The following KIF26A variants were observed in gnomAD, a reference collection of about 807,000 sequenced individuals.
KIF26A encodes kinesin-like protein KIF26A.
A neutral mutation model predicts 126.0 loss-of-function variants in KIF26A; 74 were observed. The observed-to-expected ratio is 0.59, with a 90% CI of 0.49 to 0.71. The LOEUF is 0.71. Among genes scored for constraint, KIF26A ranks in the 30% least tolerant of loss-of-function variants. The pLI, the probability that KIF26A is intolerant of heterozygous loss-of-function variation, is 0.00. For missense variants in KIF26A, 2,984 were observed against 2,763.3 expected, an observed-to-expected ratio of 1.08 and a Z score of -1.79; for synonymous variants, 1,445 against 1,232.7, an observed-to-expected ratio of 1.17 and a Z score of -3.61.
rs2141118087 is a variant in KIF26A at position 104,175,669 on chromosome 14, G to A, written c.2881G>A (p.Ala961Thr). ...PAPPPPQLLE[A>T]CRAPEEPGGG... ...TCCCCCACCTCCTCAGTTGCTGGAA[G>A]CCTGCAGAGCCCCAGAAGAGCCTGG... Residue 961 changes from alanine (A) to threonine (T), a missense_variant, in exon 12 of 15, where the codon GCC becomes ACC. Coordinates refer to ENST00000423312, the MANE Select transcript of KIF26A (RefSeq NM_015656.2). 6.2e-7 allele frequency: 1 copy of A among 1,607,478 alleles called. No individual in the cohort carries two copies. The highest frequency in any genetic ancestry group is 1.8e-4 in the Middle Eastern group (1 of 5,686).
intron 4 of KIF26A, among the ~76,000 whole-genome samples, chr14:104,160,335 T>C (rs985631768): frequency 2.0e-5 from 3 of 152,032 alleles, no homozygotes; most frequent in African/African-American, 4.8e-5. Context: ...CCCAGCCGGA[T>C]TAGGGCACCA....
At chr14:104,163,636 C>G (rs1027609606) in intron 4 of KIF26A, among the ~76,000 whole-genome samples, 3 of 151,828 alleles carry the variant, frequency 2.0e-5, no homozygotes, top group African/African-American at 7.3e-5. Flanking sequence ...GGGCCCCACC[C>G]TGTGTGGCTC....
chr14:104,166,109 G>C (rs915904612), intron 4 of KIF26A, among the ~76,000 whole-genome samples: 1 of 152,094 alleles, frequency 6.6e-6, no homozygotes, highest in African/African-American at 2.4e-5. Flanking sequence ...GGGTGGGGAG[G>C]CGCTCGCCCT....
chr14:104,172,298 G>A (rs76824091), intron 6 of KIF26A, among the ~76,000 whole-genome samples: 6,640 of 152,364 alleles, frequency 0.044, 189 homozygotes, highest in Non-Finnish European at 0.063. Context: ...CTCTCTGCGC[G>A]TGGTGGTCTG....
At chr14:104,149,275 G>C (rs951562634) in intron 2 of KIF26A, among the ~76,000 whole-genome samples, 1 of 152,182 alleles carries the variant, frequency 6.6e-6, no homozygotes, top group East Asian at 1.9e-4. Flanking sequence ...GTTGGGTGGT[G>C]AGAGTCCCTG....
Position 104,176,265 on chromosome 14 carries a change from G to T in KIF26A, c.3477G>T (p.Gly1159=). 6.3e-7 allele frequency: 1 copy of T among 1,596,162 alleles called. No homozygotes were observed. Among genetic ancestry groups the T allele is most frequent in the Non-Finnish European group, 8.5e-7 (1 of 1,171,304 alleles). Reference sequence around the variant, plus strand: ...GTTCCCTGGGGGATGGAAGCTCTGGGTTCCTGGGGCCAGACAGACCTGACA... The same window carrying T: ...GTTCCCTGGGGGATGGAAGCTCTGGTTTCCTGGGGCCAGACAGACCTGACA... ...LDGSLGDGSS[G]FLGPDRPDSP... The change falls in exon 12 of 15, where the codon GGG becomes GGT. Residue 1159 remains glycine (G), a synonymous_variant. Coordinates refer to ENST00000423312, the MANE Select transcript of KIF26A (RefSeq NM_015656.2).
At chr14:104,158,943 C>G (rs989446535) in intron 4 of KIF26A, among the ~76,000 whole-genome samples, 1 of 152,228 alleles carries the variant, frequency 6.6e-6, no homozygotes, top group Non-Finnish European at 1.5e-5. Context: ...CAGCCCCACG[C>G]GGGTGCTGAT....
rs372919552 is a variant in KIF26A, at chr14:104,179,288, G to A, written c.5369G>A (p.Arg1790Gln). The A allele has an allele frequency of 1.0e-4, 157 of 1,533,686 alleles. No homozygotes were observed. Among genetic ancestry groups the A allele is most frequent in the Middle Eastern group, 8.2e-4 (4 of 4,876 alleles). The change falls in exon 14 of 15, where the codon CGG becomes CAG. Residue 1790 changes from arginine to glutamine, a missense_variant. By Grantham distance (43) the Arg-to-Gln change is conservative (BLOSUM62 1). Coordinates refer to ENST00000423312, the MANE Select transcript of KIF26A (RefSeq NM_015656.2). ...RLRLAERRQQ[R>Q]LREVQAKHKH... Reference sequence around the variant, plus strand: ...CGGCTGGCGGAGCGCAGGCAGCAGCGGCTGCGGGAGGTGCAGGCCAAGCAC... The same window carrying A: ...CGGCTGGCGGAGCGCAGGCAGCAGCAGCTGCGGGAGGTGCAGGCCAAGCAC...
rs1671466504 is a variant in KIF26A, at chr14:104,176,142, C to CT, written c.3354_3355insT (p.Val1119CysfsTer8). 1 of 1,583,608 alleles carries CT rather than the reference C, an allele frequency of 6.3e-7. No homozygotes were observed. The highest frequency in any genetic ancestry group is 8.6e-7 in the Non-Finnish European group (1 of 1,166,106). On this transcript the variant is annotated frameshift_variant, in exon 12 of 15. Coordinates refer to ENST00000423312, the MANE Select transcript of KIF26A (RefSeq NM_015656.2). LOFTEE classifies it high-confidence loss of function. ...TCAGCTCCTGGCTCAGCGAGGTCAG[C>CT]GTCTGCACTGCCGACAGCCGTGACC...
At chr14:104,144,359 T>G (rs983013626) in intron 2 of KIF26A, among the ~76,000 whole-genome samples, 25 of 151,568 alleles carry the variant, frequency 1.6e-4, no homozygotes, top group Non-Finnish European at 1.6e-4. Context: ...ACATGTGGGC[T>G]GGGTGGGGAT....
intron 2 of KIF26A, among the ~76,000 whole-genome samples, chr14:104,142,105 C>T (rs2037642934): frequency 6.6e-6 from 1 of 152,138 alleles, no homozygotes; most frequent in Admixed American, 6.5e-5. Flanking sequence ...TGAGGGTGAC[C>T]ATGGTCCCCT....
intron 2 of KIF26A, among the ~76,000 whole-genome samples, chr14:104,145,316 G>A (rs1012218862): frequency 5.3e-5 from 8 of 152,184 alleles, no homozygotes; most frequent in Non-Finnish European, 8.8e-5. Flanking sequence ...GGCAGGACCC[G>A]TGGGCTGGGG....
At chr14:104,156,290 A>AAT (rs2037776710) in intron 3 of KIF26A, among the ~76,000 whole-genome samples, 1 of 152,160 alleles carries the variant, frequency 6.6e-6, no homozygotes, top group African/African-American at 2.4e-5. Context: ...GAGGTGAGGG[A>AAT]GTGGCTGGGA....
chr14:104,172,700 C>T lies in KIF26A; in HGVS notation c.1420+32C>T, dbSNP rs749458392. Reference sequence around the variant, plus strand: ...ACCCTTGCCCCACCCTAGATGGGTCCTGCTGGCCACCCCCTCCCATCCTCA... The same window carrying T: ...ACCCTTGCCCCACCCTAGATGGGTCTTGCTGGCCACCCCCTCCCATCCTCA... On this transcript the variant is annotated intron_variant, in intron 7 of 14. Coordinates refer to ENST00000423312, the MANE Select transcript of KIF26A (RefSeq NM_015656.2). 4 of 1,499,886 alleles carry T rather than the reference C, an allele frequency of 2.7e-6. No individual in the cohort carries two copies. The South Asian group carries it at 3.5e-5, about 13-fold the overall frequency. The allele number at this position is 1,499,886 out of a possible 1,614,324, so 92.9% of individuals were successfully genotyped here. A position where few individuals can be genotyped will look rare whatever the true frequency, so the allele number is the denominator to read the frequency against.
rs549442781 is a variant in KIF26A, at chr14:104,171,684, C to T, written c.1114-39C>T. ...GCCCTGTAATTAGTGGCCGGCTGGG[C>T]GGAGGCAGCTTCTCAGGTGCCGCCC... On this transcript the variant is annotated intron_variant, in intron 5 of 14. Coordinates refer to ENST00000423312, the MANE Select transcript of KIF26A (RefSeq NM_015656.2). 4.6e-6 allele frequency: 7 copies of T among 1,508,982 alleles called. No individual in the cohort carries two copies. In the East Asian group the frequency reaches 1.2e-4, roughly 27 times the overall value. 93.5% of individuals were successfully genotyped at this position (1,508,982 alleles called of 1,614,324 possible).
intron 4 of KIF26A, among the ~76,000 whole-genome samples, chr14:104,163,525 T>A (rs912586815): frequency 4.6e-5 from 7 of 151,752 alleles, no homozygotes; most frequent in Admixed American, 1.3e-4. Context: ...ATTGGGTAAA[T>A]GCTGGCGATG....
At position 104,173,865 on chromosome 14, in the gene KIF26A, A is replaced by G. The variant is rs372404840; in HGVS notation, c.2027A>G (p.Tyr676Cys). The G allele has an allele frequency of 1.3e-6, 2 of 1,590,468 alleles. No homozygotes were observed. Among genetic ancestry groups the G allele is most frequent in the South Asian group, 2.2e-5 (2 of 90,072 alleles). The stretch of plus-strand genomic sequence containing the variant: ...GTCAACGGAGCCAAGCATGTGCCGT[A>G]TCGGTGAGTGTAGGGCCTGGGCAGG... ...ALVNGAKHVP[Y>C]RDHRLTMLLR... The change falls in exon 10 of 15, where the codon TAT becomes TGT. Residue 676 changes from tyrosine to cysteine, a missense_variant. Tyr to Cys is a radical substitution (Grantham distance 194). Coordinates refer to ENST00000423312, the MANE Select transcript of KIF26A (RefSeq NM_015656.2).
chr14:104,163,433 T>C (rs906193104), intron 4 of KIF26A, among the ~76,000 whole-genome samples: 10 of 152,034 alleles, frequency 6.6e-5, no homozygotes, highest in African/African-American at 2.4e-4. Flanking sequence ...GCTGTGTGAG[T>C]GATCTTTGGG....
chr14:104,143,372 G>A (rs2037653866), intron 2 of KIF26A, among the ~76,000 whole-genome samples: 2 of 152,350 alleles, frequency 1.3e-5, no homozygotes, highest in Admixed American at 6.5e-5. Context: ...ACCGCTCTGT[G>A]TGGCTTGGCG....
Sources: allele counts gnomAD v4.1 joint callset (sites outside exome capture counted in the v4.1 genomes callset), GRCh38; gene constraint gnomAD v4.1.1; transcripts MANE v1.5; gene names NCBI Gene and HGNC (gene_info 2026-07-23, HGNC 2026-07-21).